The following SNX27 variants were observed in gnomAD, a reference collection of about 807,000 sequenced individuals.
SNX27 encodes the protein sorting nexin 27.
In SNX27, 22 loss-of-function variants were observed where a neutral mutation model predicts 71.6. The ratio of observed to expected loss-of-function variants is 0.31; its 90% CI spans 0.22 to 0.44. SNX27 has a LOEUF of 0.44. Ranked by LOEUF, SNX27 falls within the 20% of genes least tolerant of loss-of-function variation. The pLI is 1.00. For missense variants in SNX27, 531 were observed against 698.6 expected (o/e 0.76, Z 2.70); for synonymous variants, 269 against 277.2 (o/e 0.97, Z 0.29).
intron 1 of SNX27, among the ~76,000 whole-genome samples, chr1:151,637,271 C>T (rs950086168): frequency 6.7e-6 from 1 of 149,864 alleles, no homozygotes; most frequent in East Asian, 2.0e-4. Context: ...CTCCGCCTGC[C>T]GGGTTCACGC....
rs2102683672 is a variant in SNX27, at chr1:151,662,148, C to G, written c.802-18C>G. The G allele has an allele frequency of 6.3e-7, 1 of 1,580,198 alleles. No individual in the cohort carries two copies. The highest frequency in any genetic ancestry group is 8.7e-7 in the Non-Finnish European group (1 of 1,150,178). On this transcript the variant is annotated intron_variant, in intron 4 of 11. Transcript: ENST00000458013. ...ATATACTGGGCCATAAATTATTTCT[C>G]TATGTCTTTTCCCCCAGAACTACAA...
rs1212882216 is a variant in SNX27, at chr1:151,681,707, TAAAG to T, written c.1150-1646_1150-1643del. ...CAAACACAAATCAAACTTTCTTTAA[TAAAG>T]AAGGAGCCATTTCTTATTGCTTATT... On this transcript the variant is annotated intron_variant, in intron 7 of 11. Transcript: ENST00000458013. Among the ~76,000 whole-genome samples, 10 of 152,198 alleles carry T rather than the reference TAAAG, an allele frequency of 6.6e-5. No homozygotes were observed. The East Asian group carries it at 1.2e-3, about 18-fold the overall frequency.
At chr1:151,635,280 G>A (rs1014495147) in intron 1 of SNX27, among the ~76,000 whole-genome samples, 3 of 152,138 alleles carry the variant, frequency 2.0e-5, no homozygotes, top group Non-Finnish European at 2.9e-5. Context: ...TCCATTAGCC[G>A]ATGATATTAA....
intron 5 of SNX27, among the ~76,000 whole-genome samples, chr1:151,663,487 T>C (rs549123703): frequency 8.4e-4 from 127 of 152,050 alleles, no homozygotes; most frequent in African/African-American, 2.8e-3. Flanking sequence ...TATAGAACAG[T>C]CCCCACTTCT....
rs1558078709 is a variant in SNX27, at chr1:151,693,014, G to A, written c.1493G>A (p.Arg498Gln). 9 of 1,614,142 alleles carry A rather than the reference G, an allele frequency of 5.6e-6. No individual in the cohort carries two copies. The highest frequency in any genetic ancestry group is 1.1e-5 in the South Asian group (1 of 91,076). Residue 498 changes from arginine (R) to glutamine (Q), a missense_variant, in exon 10 of 12, where the codon CGA (arginine) becomes CAA (glutamine). By Grantham distance (43) the Arg-to-Gln change is conservative. Transcript: ENST00000458013. ...FEYARGEKKPRWVKIFTPYFN... is the reference protein window; with the variant it reads ...FEYARGEKKPQWVKIFTPYFN... Reference sequence around the variant, plus strand: ...TATGCACGAGGAGAGAAGAAGCCCCGATGGGTTAAAATCTTCACGCCATAT... The same window carrying A: ...TATGCACGAGGAGAGAAGAAGCCCCAATGGGTTAAAATCTTCACGCCATAT...
intron 7 of SNX27, among the ~76,000 whole-genome samples, chr1:151,672,896 TTGTC>T (rs1244670765): frequency 1.3e-5 from 2 of 151,874 alleles, no homozygotes; most frequent in African/African-American, 2.4e-5. Flanking sequence ...GGCTAAAGGT[TTGTC>T]TGTTTAACTT....
At position 151,658,219 on chromosome 1, in the gene SNX27, T is replaced by C; in HGVS notation, c.544-16T>C. The stretch of plus-strand genomic sequence containing the variant: ...TGTATTAAGTATGCTTTTCTTTTGT[T>C]CTTCTCCTTCACCAGGTATATAATG... On this transcript the variant is annotated splice_polypyrimidine_tract_variant and intron_variant, in intron 2 of 11. Transcript: ENST00000458013. The C allele has an allele frequency of 6.9e-6, 11 of 1,585,766 alleles. No homozygotes were observed. The highest frequency in any genetic ancestry group is 9.4e-6 in the Non-Finnish European group (11 of 1,167,808).
chr1:151,662,321 A>G (rs1669998090), intron 5 of SNX27, 51 bp downstream of exon 5: 2 of 1,274,896 alleles, frequency 1.6e-6, no homozygotes, highest in African/African-American at 1.5e-5. Context: ...GAAGCTAAGG[A>G]AGATAGATTA....
In SNX27 at chr1:151,696,649, CTGTT is replaced by C. The variant is rs1558083464; in HGVS notation, c.*2234_*2237del. 1 of 105,378 alleles carries C rather than the reference CTGTT, an allele frequency of 9.5e-6. No homozygotes were observed. 6.5% of individuals were successfully genotyped at this position (105,378 alleles called of 1,614,324 possible). A position where few individuals can be genotyped will look rare whatever the true frequency, so the allele number is the denominator to read the frequency against. Reference sequence around the variant, plus strand: ...TTCCCCTTCCTTCCTTCCTTTTTTTCTGTTTTTTTTTTTTTTTTTTCCCAGAGTC... The same window carrying C: ...TTCCCCTTCCTTCCTTCCTTTTTTTCTTTTTTTTTTTTTTTTCCCAGAGTC... On this transcript the variant is annotated 3_prime_UTR_variant, in exon 12 of 12. Transcript: ENST00000458013.
chr1:151,693,242 A>T lies in SNX27; in HGVS notation c.1519-182A>T. 3.3e-6 allele frequency: 3 copies of T among 898,038 alleles called. No individual in the cohort carries two copies. The South Asian group carries it at 5.1e-5, about 15-fold the overall frequency. 55.6% of individuals were successfully genotyped at this position (898,038 alleles called of 1,614,324 possible). ...CAATTTCCTATCCCACTTGGCTCGT[A>T]GTTACCACTAGAAGGAGCTAGAGAA... On this transcript the variant is annotated intron_variant, in intron 10 of 11. Coordinates refer to ENST00000458013, the MANE Select transcript of SNX27 (RefSeq NM_001330723.2).
At chr1:151,690,482 T>C (rs376929400) in intron 8 of SNX27, among the ~76,000 whole-genome samples, 2 of 152,164 alleles carry the variant, frequency 1.3e-5, no homozygotes, top group South Asian at 2.1e-4. Context: ...TATTTTGAGA[T>C]TGCAGTGGTG....
At position 151,641,171 on chromosome 1, in the gene SNX27, A is replaced by G. The variant is rs192822244; in HGVS notation, c.543+2052A>G. 1.5e-3 allele frequency among the ~76,000 whole-genome samples: 229 copies of G among 152,294 alleles called. 1 individual carries two copies. Among genetic ancestry groups the G allele is most frequent in the Admixed American group, 5.0e-3 (76 of 15,286 alleles). Reference sequence around the variant, plus strand: ...ACTAAAGCTGCCATGAAATAATATTAAATGTACAGGTCTTTATGTAGACAT... The same window carrying G: ...ACTAAAGCTGCCATGAAATAATATTGAATGTACAGGTCTTTATGTAGACAT... On this transcript the variant is annotated intron_variant, in intron 2 of 11. Transcript: ENST00000458013.
At chr1:151,629,558 T>A (rs1571774808) in intron 1 of SNX27, 1 of 150,546 alleles carries the variant, frequency 6.6e-6, no homozygotes, top group Middle Eastern at 3.5e-3. Flanking sequence ...TTTGTATATA[T>A]GTGTGTGTAT....
intron 8 of SNX27, among the ~76,000 whole-genome samples, chr1:151,687,900 A>G (rs1407788121): frequency 2.0e-5 from 3 of 149,876 alleles, no homozygotes; most frequent in Admixed American, 6.7e-5. Context: ...GTGAGCCGCG[A>G]TCGCGCCGCT....
rs1671837260 is a variant in SNX27, at chr1:151,697,710, C to G, written c.*3293C>G. 2 of 152,882 alleles carry G rather than the reference C, an allele frequency of 1.3e-5. No individual in the cohort carries two copies. The highest frequency in any genetic ancestry group is 2.9e-5 in the Non-Finnish European group (2 of 68,228). The allele number at this position is 152,882 out of a possible 1,614,324, so 9.5% of individuals were successfully genotyped here. On this transcript the variant is annotated 3_prime_UTR_variant, in exon 12 of 12. Coordinates refer to ENST00000458013, the MANE Select transcript of SNX27 (RefSeq NM_001330723.2). ...TTCTCTCTCCCCTTCCTCTGCACTT[C>G]CTTTCTGTAATCCCTACTGTTCTTC...
At chr1:151,633,666 TA>T (rs1348215219) in intron 1 of SNX27, among the ~76,000 whole-genome samples, 2 of 152,220 alleles carry the variant, frequency 1.3e-5, no homozygotes, top group African/African-American at 4.8e-5. Flanking sequence ...TTTCTACCAC[TA>T]AAGAATAGTT....
At chr1:151,653,231 T>TG (rs1377126561) in intron 2 of SNX27, among the ~76,000 whole-genome samples, 5 of 151,800 alleles carry the variant, frequency 3.3e-5, no homozygotes, top group Non-Finnish European at 7.4e-5. Context: ...CAGCCTTTTT[T>TG]TTTGTTGTTG....
chr1:151,642,954 GTTTTATTTTA>G (rs532547285), intron 2 of SNX27, among the ~76,000 whole-genome samples: 1 of 149,374 alleles, frequency 6.7e-6, no homozygotes, highest in African/African-American at 2.5e-5. Flanking sequence ...TTTTATTTTT[GTTTTATTTTA>G]TTTTATTTTA....
chr1:151,694,208 G>A lies in SNX27; in HGVS notation c.1579-162G>A, dbSNP rs1041432118. On this transcript the variant is annotated intron_variant, in intron 11 of 11. Transcript: ENST00000458013. Reference sequence around the variant, plus strand: ...GTAATTAATATCCAAGGTCCCTTCCGGCTCTAAAAGGCTATGATTCTAGAT... The same window carrying A: ...GTAATTAATATCCAAGGTCCCTTCCAGCTCTAAAAGGCTATGATTCTAGAT... 5.7e-5 allele frequency: 78 copies of A among 1,376,578 alleles called. 2 individuals are homozygous for A. The South Asian group carries it at 1.0e-3, about 18-fold the overall frequency. 85.3% of individuals were successfully genotyped at this position (1,376,578 alleles called of 1,614,324 possible). A position where few individuals can be genotyped will look rare whatever the true frequency, so the allele number is the denominator to read the frequency against.
Sources: allele counts gnomAD v4.1 joint callset (sites outside exome capture counted in the v4.1 genomes callset), GRCh38; gene constraint gnomAD v4.1.1; transcripts MANE v1.5; gene names NCBI Gene and HGNC (gene_info 2026-07-23, HGNC 2026-07-21).